Variants in C7orf78 observed in about 807,000 individuals in gnomAD.
The protein encoded by C7orf78 is putative uncharacterized protein C7orf78.
chr7:12,507,646 T>C, the C7orf78 span, among the ~76,000 whole-genome samples: 1 of 152,208 alleles, frequency 6.6e-6, no homozygotes, highest in African/African-American at 2.4e-5. Flanking sequence ...TAAAGGTAAT[T>C]AGACAGTATC....
the C7orf78 span, among the ~76,000 whole-genome samples, chr7:12,500,198 A>G: frequency 1.3e-5 from 2 of 151,498 alleles, no homozygotes; most frequent in East Asian, 3.9e-4. Context: ...AACACATTCA[A>G]AAGCTAGCAG....
the C7orf78 span, among the ~76,000 whole-genome samples, chr7:12,534,405 C>T: frequency 1.2e-4 from 18 of 152,182 alleles, no homozygotes; most frequent in African/African-American, 4.1e-4. Flanking sequence ...AACCTTTCTG[C>T]AATACATTTG....
chr7:12,518,188 G>A, the C7orf78 span, among the ~76,000 whole-genome samples: 1 of 152,192 alleles, frequency 6.6e-6, no homozygotes, highest in Non-Finnish European at 1.5e-5. Context: ...ATTAGTGGAG[G>A]CTATGGTGGA....
At chr7:12,523,240 A>C in the C7orf78 span, 1 of 398,230 alleles carries the variant, frequency 2.5e-6, no homozygotes, top group East Asian at 3.6e-5. Flanking sequence ...GGAGGAAAAA[A>C]ATCAGTTTTC....
chr7:12,529,523 C>T, the C7orf78 span, among the ~76,000 whole-genome samples: 134 of 152,296 alleles, frequency 8.8e-4, no homozygotes, highest in Middle Eastern at 6.8e-3. Flanking sequence ...GTGACCATGA[C>T]CTGTAACACA....
the C7orf78 span, among the ~76,000 whole-genome samples, chr7:12,487,264 G>A: frequency 6.6e-6 from 1 of 152,008 alleles, no homozygotes; most frequent in Non-Finnish European, 1.5e-5. Context: ...TGTTATTCTA[G>A]AAACTTGGGA....
At chr7:12,500,265 C>T in the C7orf78 span, among the ~76,000 whole-genome samples, 6 of 151,906 alleles carry the variant, frequency 3.9e-5, no homozygotes, top group Admixed American at 2.0e-4. Flanking sequence ...CACAAGAAAC[C>T]CTTCAAAAAA....
At chr7:12,484,506 CATT>C in the C7orf78 span, among the ~76,000 whole-genome samples, 2 of 152,100 alleles carry the variant, frequency 1.3e-5, no homozygotes. Context: ...TCTCTGTAGT[CATT>C]ATTTTAGTAG....
At chr7:12,514,710 G>T in the C7orf78 span, among the ~76,000 whole-genome samples, 1 of 151,882 alleles carries the variant, frequency 6.6e-6, no homozygotes, top group African/African-American at 2.4e-5. Flanking sequence ...TTGTGTGTTT[G>T]CTTTACCAGT....
At chr7:12,486,775 T>C in the C7orf78 span, among the ~76,000 whole-genome samples, 1 of 152,050 alleles carries the variant, frequency 6.6e-6, no homozygotes, top group Admixed American at 6.6e-5. Context: ...GCATATCGGA[T>C]AATATTGTAA....
chr7:12,507,703 G>A, the C7orf78 span, among the ~76,000 whole-genome samples: 1 of 152,186 alleles, frequency 6.6e-6, no homozygotes, highest in South Asian at 2.1e-4. Context: ...TATAGTAAAT[G>A]TGGGGCAAAA....
the C7orf78 span, among the ~76,000 whole-genome samples, chr7:12,488,929 T>G: frequency 2.6e-5 from 3 of 115,278 alleles, no homozygotes; most frequent in Non-Finnish European, 6.2e-5. Flanking sequence ...TTTTTTTTGG[T>G]TTTTTGCTTT....
At chr7:12,497,625 A>C in the C7orf78 span, among the ~76,000 whole-genome samples, 1 of 152,138 alleles carries the variant, frequency 6.6e-6, no homozygotes, top group Non-Finnish European at 1.5e-5. Context: ...GCAGTCTGAG[A>C]TCAAACTGCA....
At chr7:12,500,911 C>A in the C7orf78 span, among the ~76,000 whole-genome samples, 3 of 148,220 alleles carry the variant, frequency 2.0e-5, no homozygotes, top group Non-Finnish European at 3.0e-5. Flanking sequence ...CCCTGGGATG[C>A]AAGGCTGGTT....
At chr7:12,493,644 G>A in the C7orf78 span, among the ~76,000 whole-genome samples, 1 of 152,210 alleles carries the variant, frequency 6.6e-6, no homozygotes, top group South Asian at 2.1e-4. Flanking sequence ...AGGCCAAACT[G>A]GATGGGTTTG....
At chr7:12,525,917 G>A in the C7orf78 span, 1 of 396,604 alleles carries the variant, frequency 2.5e-6, no homozygotes, top group East Asian at 3.6e-5. Context: ...AAGCTGTTAA[G>A]ATGTTATGAA....
chr7:12,525,953 A>G, the C7orf78 span: 3 of 395,400 alleles, frequency 7.6e-6, no homozygotes, highest in Non-Finnish European at 8.9e-6. Flanking sequence ...TCTGCATTCC[A>G]TATTAGTAGT....
the C7orf78 span, among the ~76,000 whole-genome samples, chr7:12,530,096 C>T: frequency 0.018 from 2,805 of 152,198 alleles, 77 homozygotes; most frequent in African/African-American, 0.064. Flanking sequence ...AGTTGAGTCC[C>T]GCCTCCTACC....
chr7:12,505,527 C>T, the C7orf78 span, among the ~76,000 whole-genome samples: 1 of 152,176 alleles, frequency 6.6e-6, no homozygotes, highest in South Asian at 2.1e-4. Context: ...TAAACTGATC[C>T]TTGAGGTATA....
Sources: allele counts gnomAD v4.1 joint callset (sites outside exome capture counted in the v4.1 genomes callset), GRCh38; gene constraint gnomAD v4.1.1; transcripts MANE v1.5; gene names NCBI Gene and HGNC (gene_info 2026-07-23, HGNC 2026-07-21).